Variants in ARHGEF18 observed in about 807,000 individuals in gnomAD.
ARHGEF18 encodes the protein rho guanine nucleotide exchange factor 18.
A neutral mutation model predicts 155.7 loss-of-function variants in ARHGEF18; 93 were observed. The observed-to-expected ratio is 0.60, with a 90% confidence interval of 0.50 to 0.71. The LOEUF (loss-of-function observed/expected upper bound fraction) is 0.71. Ranked by LOEUF, ARHGEF18 falls within the 30% of genes least tolerant of loss-of-function variation. ARHGEF18 has a pLI of 0.00. For missense variants in ARHGEF18, 1,593 were observed against 1,816.1 expected, an observed-to-expected ratio of 0.88 and a Z score of 2.23; for synonymous variants, 742 against 753.1, an observed-to-expected ratio of 0.99 and a Z score of 0.24.
intron 2 of ARHGEF18, among the ~76,000 whole-genome samples, chr19:7,367,977 A>AAG (rs537429456): frequency 0.61 from 40,366 of 66,584 alleles, 13,107 homozygotes; most frequent in Middle Eastern, 0.83. Context: ...AAAGGAAAGA[A>AAG]AGAGAGAGAG....
chr19:7,428,800 C>G (rs540426770), intron 10 of ARHGEF18, among the ~76,000 whole-genome samples: 1 of 152,268 alleles, frequency 6.6e-6, no homozygotes, highest in African/African-American at 2.4e-5. Context: ...CCTAACTGTG[C>G]TCCCCGCCCT....
chr19:7,368,346 T>G (rs1970037662), intron 2 of ARHGEF18, among the ~76,000 whole-genome samples: 3 of 152,150 alleles, frequency 2.0e-5, no homozygotes. Context: ...CCTGGATTTA[T>G]AGCATCCTCT....
intron 10 of ARHGEF18, among the ~76,000 whole-genome samples, chr19:7,402,119 G>T (rs1160915341): frequency 1.3e-5 from 2 of 152,004 alleles, no homozygotes; most frequent in Non-Finnish European, 2.9e-5. Flanking sequence ...GGTGATGAAG[G>T]CATTCTAAAA....
intron 3 of ARHGEF18, among the ~76,000 whole-genome samples, chr19:7,373,568 T>C (rs1970301901): frequency 6.6e-6 from 1 of 150,874 alleles, no homozygotes; most frequent in South Asian, 2.1e-4. Flanking sequence ...CTCCGCCTCC[T>C]GGGTTCAAGC....
chr19:7,407,983 A>AAAAAAAAAAAC (rs1555711562), intron 10 of ARHGEF18, among the ~76,000 whole-genome samples: 1 of 141,870 alleles, frequency 7.0e-6, no homozygotes. Flanking sequence ...AAAAAAAAAA[A>AAAAAAAAAAAC]AAAAGAGGTA....
chr19:7,464,471 T>C, intron 22 of ARHGEF18, 89 bp from the exon 23 acceptor site: 1 of 1,503,980 alleles, frequency 6.6e-7, no homozygotes, highest in Non-Finnish European at 8.9e-7. Flanking sequence ...CTGGGTTTCC[T>C]ACCTGGGCAG....
rs371671164 is a variant in ARHGEF18, at chr19:7,459,201, G to C, written c.2360+511G>C. Among the ~76,000 whole-genome samples the C allele has an allele frequency of 5.0e-4, 75 of 151,102 alleles. No individual in the cohort carries two copies. The East Asian group carries it at 8.8e-3, about 18-fold the overall frequency. On this transcript the variant is annotated intron_variant, in intron 19 of 28. Transcript: ENST00000668164. The stretch of plus-strand genomic sequence containing the variant: ...GCTGGGATTACAGGCGTGAGCCACT[G>C]CGCCCAGCCTATTTTGTTTTGTTTT...
rs148074863 is a variant in ARHGEF18 at position 7,449,284 on chromosome 19, C to T, written c.1738-1865C>T. On this transcript the variant is annotated intron_variant, in intron 15 of 28. Coordinates refer to ENST00000668164, the MANE Select transcript of ARHGEF18 (RefSeq NM_001367823.1). ...TTAGCCAGAGGTGAGCATCAGAAAG[C>T]ACCCAGGCTGGGCGTGGTGGCTCAC... is the stretch of plus-strand genomic sequence containing the variant. Among the ~76,000 whole-genome samples, 139 of 152,164 alleles carry T rather than the reference C, an allele frequency of 9.1e-4. 2 individuals carry two copies. The highest frequency in any genetic ancestry group is 3.4e-3 in the Middle Eastern group (1 of 294).
At chr19:7,455,206 C>T (rs117032353) in intron 17 of ARHGEF18, among the ~76,000 whole-genome samples, 1,706 of 152,228 alleles carry the variant, frequency 0.011, 16 homozygotes, top group Non-Finnish European at 0.018. Flanking sequence ...TGCCAGGCGC[C>T]GAGTTGGATG....
At position 7,456,415 on chromosome 19, in the gene ARHGEF18, GTC is replaced by G; in HGVS notation, c.2181+16_2181+17del. 1 of 1,613,042 alleles carries G rather than the reference GTC, an allele frequency of 6.2e-7. No homozygotes were observed. Among genetic ancestry groups the G allele is most frequent in the East Asian group, 2.2e-5 (1 of 44,854 alleles). On this transcript the variant is annotated intron_variant, in intron 18 of 28. Transcript: ENST00000668164. ...TCTTTGCTTCTGTGGTATGTATCCT[GTC>G]TCTTCAGACGAAGGGTCGGCTGGGT...
chr19:7,478,205 C>T, the ARHGEF18 span: 2 of 1,218,374 alleles, frequency 1.6e-6, no homozygotes, highest in Non-Finnish European at 2.3e-6. Context: ...CCCCCATGAC[C>T]TGAGCACAAC....
In ARHGEF18 at chr19:7,467,679, G is replaced by A. The variant is rs534187677; in HGVS notation, c.3475G>A (p.Ala1159Thr). The stretch of plus-strand genomic sequence containing the variant: ...AGGCGCGCTGCCGCCCGACACACTG[G>A]CCGAGGTGAGCGCGCAGCAGCCAGT... ...APGALPPDTL[A>T]EAQPPSHPPS... Residue 1159 changes from alanine to threonine, a missense_variant, in exon 26 of 29, where the codon GCC (alanine) becomes ACC (threonine). Physicochemically the swap from Ala to Thr is moderately conservative, Grantham distance 58 (BLOSUM62 0). Transcript: ENST00000668164. 14 of 1,499,486 alleles carry A rather than the reference G, an allele frequency of 9.3e-6. No homozygotes were observed. The East Asian group carries it at 3.1e-4, about 34-fold the overall frequency. 92.9% of individuals were successfully genotyped at this position (1,499,486 alleles called of 1,614,324 possible). A position where few individuals can be genotyped will look rare whatever the true frequency, so the allele number is the denominator to read the frequency against.
chr19:7,424,212 G>T (rs1973525498), intron 10 of ARHGEF18, among the ~76,000 whole-genome samples: 1 of 152,024 alleles, frequency 6.6e-6, no homozygotes, highest in African/African-American at 2.4e-5. Context: ...ATTTAGTAGA[G>T]AAAGGGTTTC....
At chr19:7,377,473 T>A (rs568086642) in intron 5 of ARHGEF18, among the ~76,000 whole-genome samples, 1 of 152,170 alleles carries the variant, frequency 6.6e-6, no homozygotes, top group East Asian at 1.9e-4. Context: ...ACATAACAAG[T>A]CTCTGAGCCT....
rs774533461 is a variant in ARHGEF18, at chr19:7,451,175, G to T, written c.1764G>T (p.Arg588=). ...IKKIGNFSIV[R]RLGVQECILL... is the part of the protein sequence containing the mutation. ...AAATTGGCAACTTCTCCATCGTGCG[G>T]CGGCTTGGCGTGCAGGAGTGCATTC... Residue 588 remains arginine, a synonymous_variant, in exon 16 of 29, where the codon CGG becomes CGT. Transcript: ENST00000668164. 2.7e-5 allele frequency: 41 copies of T among 1,539,010 alleles called. No homozygotes were observed. The highest frequency in any genetic ancestry group is 3.5e-5 in the Non-Finnish European group (40 of 1,148,536).
At chr19:7,407,377 G>A (rs1200333048) in intron 10 of ARHGEF18, among the ~76,000 whole-genome samples, 1 of 150,670 alleles carries the variant, frequency 6.6e-6, no homozygotes, top group East Asian at 1.9e-4. Context: ...AGCGAGCCGA[G>A]ATTGAGCCAC....
At chr19:7,421,637 C>T (rs147553763) in intron 10 of ARHGEF18, among the ~76,000 whole-genome samples, 1,554 of 152,252 alleles carry the variant, frequency 0.01, 28 homozygotes, top group African/African-American at 0.035. Flanking sequence ...TGGTGCACGC[C>T]TGTAATCCCA....
chr19:7,449,108 G>A (rs1975197623), intron 15 of ARHGEF18, among the ~76,000 whole-genome samples: 1 of 152,084 alleles, frequency 6.6e-6, no homozygotes, highest in African/African-American at 2.4e-5. Flanking sequence ...CTCCGTCCAC[G>A]GACTCTTGCA....
At chr19:7,370,638 C>G (rs1357084081) in intron 2 of ARHGEF18, among the ~76,000 whole-genome samples, 1 of 152,154 alleles carries the variant, frequency 6.6e-6, no homozygotes, top group Non-Finnish European at 1.5e-5. Flanking sequence ...TTGATAGCAG[C>G]GTTATTCACA....
Sources: gnomAD v4.1 joint callset for allele counts (sites outside exome capture counted in the v4.1 genomes callset) on GRCh38, gnomAD v4.1.1 for gene constraint, MANE v1.5 for transcripts, NCBI Gene and HGNC (gene_info 2026-07-23, HGNC 2026-07-21) for gene names.